Variants in RB1CC1 observed in about 807,000 individuals in gnomAD.
RB1CC1 encodes the protein RB1 inducible coiled-coil 1.
Under a neutral mutation model 177.5 loss-of-function variants are expected in RB1CC1, and 46 were observed. The observed-to-expected ratio is 0.26, with a 90% confidence interval of 0.20 to 0.33. The LOEUF is 0.33. Ranked by LOEUF, RB1CC1 falls within the 10% of genes least tolerant of loss-of-function variation. RB1CC1 has a pLI of 1.00. For missense variants in RB1CC1, 1,703 were observed against 1,816.3 expected, an observed-to-expected ratio of 0.94 and a Z score of 1.13; for synonymous variants, 666 against 613.6, an observed-to-expected ratio of 1.09 and a Z score of -1.26.
intron 22 of RB1CC1, among the ~76,000 whole-genome samples, chr8:52,627,182 A>G (rs536716353): frequency 2.0e-5 from 3 of 152,250 alleles, no homozygotes; most frequent in Admixed American, 2.0e-4. Flanking sequence ...ACCCGCCTCT[A>G]CTAAAAATAC....
intron 1 of RB1CC1, among the ~76,000 whole-genome samples, chr8:52,712,564 C>CA (rs2150737633): frequency 1.4e-5 from 2 of 144,486 alleles, no homozygotes; most frequent in South Asian, 4.4e-4. Flanking sequence ...CGTCCAATAA[C>CA]AAACATATAA....
chr8:52,626,812 T>TC (rs1848425568), intron 22 of RB1CC1, among the ~76,000 whole-genome samples: 1 of 58 alleles, frequency 0.017, no homozygotes. Flanking sequence ...GATGGAGTTG[T>TC]CATGGGGAAA....
chr8:52,676,714 C>CTCTGT, intron 5 of RB1CC1, 143 bp from the exon 6 acceptor site: 1 of 774,600 alleles, frequency 1.3e-6, no homozygotes, highest in East Asian at 2.7e-5. Context: ...TTTAGTTTAT[C>CTCTGT]TCTGTTCTCT....
chr8:52,667,598 G>C (rs992861129), intron 8 of RB1CC1, among the ~76,000 whole-genome samples: 15 of 152,020 alleles, frequency 9.9e-5, no homozygotes, highest in African/African-American at 3.6e-4. Flanking sequence ...AACAGTTCTA[G>C]GATTATGGCA....
chr8:52,699,650 A>AG (rs1369510100), intron 1 of RB1CC1, among the ~76,000 whole-genome samples: 1 of 144,734 alleles, frequency 6.9e-6, no homozygotes, highest in Non-Finnish European at 1.5e-5. Context: ...CTCTAGTGAA[A>AG]AAAAAAAAAA....
At chr8:52,713,562 G>A (rs1857234962) in intron 1 of RB1CC1, among the ~76,000 whole-genome samples, 1 of 152,162 alleles carries the variant, frequency 6.6e-6, no homozygotes, top group Non-Finnish European at 1.5e-5. Flanking sequence ...TCATCTCTCC[G>A]TTCCTCCCAT....
At position 52,656,492 on chromosome 8, in the gene RB1CC1, C is replaced by A. The variant is rs1362734724; in HGVS notation, c.3337G>T (p.Asp1113Tyr). The change falls in exon 15 of 24, where the codon GAT (aspartate) becomes TAT (tyrosine). Residue 1113 changes from aspartate to tyrosine, a missense_variant. Transcript: ENST00000025008. ...CCCACCTGATAATTTTCATTATTATCCTGAATCTTTTGGTTGAGTTTACTA... is the reference window on the plus strand; with the variant it reads ...CCCACCTGATAATTTTCATTATTATACTGAATCTTTTGGTTGAGTTTACTA... ...EISKLNQKIQDNNENYQVGLA... is the reference protein window; with the variant it reads ...EISKLNQKIQYNNENYQVGLA... 54 of 1,611,020 alleles carry A rather than the reference C, an allele frequency of 3.4e-5. No individual in the cohort carries two copies. The highest frequency in any genetic ancestry group is 4.2e-5 in the Non-Finnish European group (50 of 1,179,700).
intron 15 of RB1CC1, among the ~76,000 whole-genome samples, chr8:52,653,807 T>C (rs1383301611): frequency 6.6e-6 from 1 of 152,166 alleles, no homozygotes; most frequent in Non-Finnish European, 1.5e-5. Context: ...AATGAGCATT[T>C]CCTTTAAGCA....
chr8:52,678,077 T>C (rs112324227), intron 5 of RB1CC1, among the ~76,000 whole-genome samples: 7 of 152,282 alleles, frequency 4.6e-5, no homozygotes, highest in African/African-American at 1.7e-4. Context: ...AATAAATTTA[T>C]GATATTTCAA....
In RB1CC1 at chr8:52,622,523, T is replaced by C. The variant is rs1295355888; in HGVS notation, c.*1259A>G. 6.6e-6 allele frequency: 1 copy of C among 151,952 alleles called. No individual in the cohort carries two copies. The highest frequency in any genetic ancestry group is 6.6e-5 in the Admixed American group (1 of 15,218). The allele number at this position is 151,952 out of a possible 1,614,324, so 9.4% of individuals were successfully genotyped here. A position where few individuals can be genotyped will look rare whatever the true frequency, so the allele number is the denominator to read the frequency against. On this transcript the variant is annotated 3_prime_UTR_variant, in exon 24 of 24. Coordinates refer to ENST00000025008, the MANE Select transcript of RB1CC1 (RefSeq NM_014781.5). Reference sequence around the variant, plus strand: ...AGTTTTCTATACACTATGATGTTTATTCCATTTTGTACTATTAGATATACA... The same window carrying C: ...AGTTTTCTATACACTATGATGTTTACTCCATTTTGTACTATTAGATATACA...
intron 20 of RB1CC1, among the ~76,000 whole-genome samples, chr8:52,633,901 C>G (rs1193739220): frequency 1.3e-5 from 2 of 152,054 alleles, no homozygotes; most frequent in East Asian, 1.9e-4. Flanking sequence ...CCAGCCTGGA[C>G]AAGATGGTGA....
Position 52,624,783 on chromosome 8 carries a change from T to G in RB1CC1, c.4641A>C (p.Ser1547=). 1 of 1,534,120 alleles carries G rather than the reference T, an allele frequency of 6.5e-7. No homozygotes were observed. The highest frequency in any genetic ancestry group is 2.3e-5 in the East Asian group (1 of 43,274). Reference sequence around the variant, plus strand: ...GTACCCAGGGTCTTCTAGATGCACCTGAAGCTAATGAAATTAAATAGTTAA... The same window carrying G: ...GTACCCAGGGTCTTCTAGATGCACCGGAAGCTAATGAAATTAAATAGTTAA... ...ALDLKPGEGA[S]GASRRPWVLG... The change falls in exon 23 of 24, where the codon TCA becomes TCC. Residue 1547 remains serine, a synonymous_variant. Coordinates refer to ENST00000025008, the MANE Select transcript of RB1CC1 (RefSeq NM_014781.5).
chr8:52,627,207 C>A (rs943389866), intron 22 of RB1CC1, among the ~76,000 whole-genome samples: 41 of 151,934 alleles, frequency 2.7e-4, no homozygotes, highest in African/African-American at 9.7e-4. Flanking sequence ...ATTAGCTGGG[C>A]GTGGTGGCAC....
Position 52,661,669 on chromosome 8 carries a change from T to C in RB1CC1, c.1224A>G (p.Val408=), listed in dbSNP as rs757269812. 13 of 1,607,248 alleles carry C rather than the reference T, an allele frequency of 8.1e-6. No individual in the cohort carries two copies. The highest frequency in any genetic ancestry group is 1.7e-4 in the Middle Eastern group (1 of 6,058). Residue 408 remains valine, a synonymous_variant, in exon 9 of 24, where the codon GTA becomes GTG. Transcript: ENST00000025008. ...KRAENLKDAS[V]LPDLCLSHAN... is the part of the protein sequence containing the mutation. Reference sequence around the variant, plus strand: ...CGTGACTCAGGCATAAATCAGGTAATACAGATGCATCCTTTAAGTTTTCAG... The same window carrying C: ...CGTGACTCAGGCATAAATCAGGTAACACAGATGCATCCTTTAAGTTTTCAG...
At position 52,630,536 on chromosome 8, in the gene RB1CC1, A is replaced by C. The variant is rs181518509; in HGVS notation, c.4441-8T>G. On this transcript the variant is annotated splice_region_variant and splice_polypyrimidine_tract_variant and intron_variant, in intron 20 of 23. Coordinates refer to ENST00000025008, the MANE Select transcript of RB1CC1 (RefSeq NM_014781.5). The stretch of plus-strand genomic sequence containing the variant: ...AGACATGCTCTGAGACATCTAAAAA[A>C]AAAAAAAAAGTTTATGAACTTACAC... 1 of 1,562,732 alleles carries C rather than the reference A, an allele frequency of 6.4e-7. No homozygotes were observed. Among genetic ancestry groups the C allele is most frequent in the Admixed American group, 2.1e-5 (1 of 47,120 alleles).
At chr8:52,695,603 A>G (rs973475197) in intron 1 of RB1CC1, among the ~76,000 whole-genome samples, 1 of 152,238 alleles carries the variant, frequency 6.6e-6, no homozygotes, top group African/African-American at 2.4e-5. Flanking sequence ...TACAGGATCA[A>G]GCCATAATAA....
chr8:52,699,858 T>TACACACAC (rs1554557208), intron 1 of RB1CC1, among the ~76,000 whole-genome samples: 2 of 102,824 alleles, frequency 1.9e-5, no homozygotes, highest in African/African-American at 8.2e-5. Context: ...TATATATATA[T>TACACACAC]ACACACAAAA....
At position 52,661,824 on chromosome 8, in the gene RB1CC1, C is replaced by A. The variant is rs1394976052; in HGVS notation, c.1174-105G>T. ...TATGTTAAACACAACCCGTTTTGTG[C>A]CTTCTAACAATATTTTTAAATCCTC... is the stretch of plus-strand genomic sequence containing the variant. On this transcript the variant is annotated intron_variant, in intron 8 of 23. Transcript: ENST00000025008. The A allele has an allele frequency of 3.8e-6, 3 of 783,986 alleles. No individual in the cohort carries two copies. In the East Asian group the frequency reaches 9.3e-5, roughly 24 times the overall value. 48.6% of individuals were successfully genotyped at this position (783,986 alleles called of 1,614,324 possible). A position where few individuals can be genotyped will look rare whatever the true frequency, so the allele number is the denominator to read the frequency against.
In RB1CC1 at chr8:52,623,546, T is replaced by C. The variant is rs1430041768; in HGVS notation, c.*236A>G. The C allele has an allele frequency of 4.0e-6, 2 of 499,826 alleles. No individual in the cohort carries two copies. Among genetic ancestry groups the C allele is most frequent in the Middle Eastern group, 6.3e-4 (2 of 3,160 alleles). The allele number at this position is 499,826 out of a possible 1,614,324, so 31.0% of individuals were successfully genotyped here. Reference sequence around the variant, plus strand: ...AGTTTGGTCCGCATTTCTAGAGTTGTCTGGGTAAAAAAAAAAACCAAAAAA... The same window carrying C: ...AGTTTGGTCCGCATTTCTAGAGTTGCCTGGGTAAAAAAAAAAACCAAAAAA... On this transcript the variant is annotated 3_prime_UTR_variant, in exon 24 of 24. Transcript: ENST00000025008.
Sources: allele counts gnomAD v4.1 joint callset (sites outside exome capture counted in the v4.1 genomes callset), GRCh38; gene constraint gnomAD v4.1.1; transcripts MANE v1.5; gene names NCBI Gene and HGNC (gene_info 2026-07-23, HGNC 2026-07-21).